CARMIL1: variants seen among roughly 807,000 people sequenced by gnomAD.
CARMIL1 encodes capping protein regulator and myosin 1 linker 1.
CARMIL1 carries 90 observed loss-of-function variants against 177.1 expected under a neutral mutation model. The observed-to-expected ratio is 0.51, with a 90% CI of 0.43 to 0.61. The LOEUF is 0.61. CARMIL1 is among the 20% of genes least tolerant of loss of function. The pLI, the probability that CARMIL1 is intolerant of heterozygous loss-of-function variation, is 0.00. For synonymous variants in CARMIL1, 577 were observed against 606.2 expected (o/e 0.95, Z 0.71); for missense variants, 1,380 against 1,667.0 (o/e 0.83, Z 3.00).
chr6:25,431,514 G>T (rs903150425), intron 4 of CARMIL1, among the ~76,000 whole-genome samples: 1 of 151,550 alleles, frequency 6.6e-6, no homozygotes, highest in African/African-American at 2.4e-5. Flanking sequence ...ATGATCACTC[G>T]TGAATGATGA....
intron 13 of CARMIL1, 84 bp downstream of exon 13, chr6:25,488,669 A>G: frequency 9.3e-7 from 1 of 1,071,454 alleles, no homozygotes; most frequent in Non-Finnish European, 1.4e-6. Flanking sequence ...TTTGTAGTGC[A>G]TTTTCCTGCC....
chr6:25,536,031 A>G (rs965699912), intron 24 of CARMIL1, among the ~76,000 whole-genome samples: 1 of 152,192 alleles, frequency 6.6e-6, no homozygotes, highest in African/African-American at 2.4e-5. Flanking sequence ...GCTTAAGGGC[A>G]TACATTTCAA....
chr6:25,344,702 A>G (rs1263527227), intron 2 of CARMIL1, among the ~76,000 whole-genome samples: 1 of 152,064 alleles, frequency 6.6e-6, no homozygotes, highest in African/African-American at 2.4e-5. Flanking sequence ...CTTTTTCACC[A>G]GAAACCCCAG....
At chr6:25,488,799 C>A (rs190861666) in intron 13 of CARMIL1, among the ~76,000 whole-genome samples, 417 of 151,868 alleles carry the variant, frequency 2.7e-3, no homozygotes, top group Middle Eastern at 0.01. Context: ...TTTTTTTTCT[C>A]ATTTAGTGAT....
At chr6:25,307,510 A>C (rs1479712920) in intron 2 of CARMIL1, among the ~76,000 whole-genome samples, 1 of 152,238 alleles carries the variant, frequency 6.6e-6, no homozygotes, top group Non-Finnish European at 1.5e-5. Flanking sequence ...ATTATTTTTA[A>C]AAAAGAGATC....
intron 2 of CARMIL1, among the ~76,000 whole-genome samples, chr6:25,360,827 G>A (rs10946765): frequency 0.48 from 73,478 of 151,962 alleles, 18,339 homozygotes; most frequent in Non-Finnish European, 0.55. Flanking sequence ...ACAGCCATAT[G>A]CATGTGATTT....
At position 25,281,728 on chromosome 6, in the gene CARMIL1, A is replaced by C. The variant is rs567679485; in HGVS notation, c.40+1893A>C. On this transcript the variant is annotated intron_variant, in intron 1 of 36. Transcript: ENST00000329474. ...TGCTTTCCTCTAAATTCAAGTGCTCACAAGAGTTCTGCTCTGATCAATTCA... is the reference window on the plus strand; with the variant it reads ...TGCTTTCCTCTAAATTCAAGTGCTCCCAAGAGTTCTGCTCTGATCAATTCA... Among the ~76,000 whole-genome samples, 4 of 152,296 alleles carry C rather than the reference A, an allele frequency of 2.6e-5. No individual in the cohort carries two copies. In the East Asian group the frequency reaches 5.8e-4, roughly 22 times the overall value.
At chr6:25,312,885 T>C (rs1783943647) in intron 2 of CARMIL1, among the ~76,000 whole-genome samples, 2 of 149,312 alleles carry the variant, frequency 1.3e-5, no homozygotes, top group Non-Finnish European at 3.0e-5. Flanking sequence ...GTGCCTAAAA[T>C]TTCCTTTGCA....
chr6:25,294,478 C>T (rs1038549001), intron 2 of CARMIL1, among the ~76,000 whole-genome samples: 19 of 152,100 alleles, frequency 1.2e-4, no homozygotes, highest in Non-Finnish European at 2.1e-4. Flanking sequence ...GTAGCACCTC[C>T]GACAGCTAGG....
chr6:25,367,172 A>T (rs888773397), intron 2 of CARMIL1, among the ~76,000 whole-genome samples: 1 of 152,152 alleles, frequency 6.6e-6, no homozygotes, highest in Admixed American at 6.5e-5. Context: ...GGTGTGGTTT[A>T]GTGCTGCATA....
At chr6:25,573,913 TCTGGAAAACAATAGTTCCTGAACATCA>T (rs1812350230) in intron 29 of CARMIL1, among the ~76,000 whole-genome samples, 1 of 152,214 alleles carries the variant, frequency 6.6e-6, no homozygotes. Flanking sequence ...GTTCTTGGGC[TCTGGAAAACAATAGTTCCTGAACATCA>T]GGAAGCCAGA....
chr6:25,323,420 C>CAAAAA (rs11288797), intron 2 of CARMIL1, among the ~76,000 whole-genome samples: 2 of 82,362 alleles, frequency 2.4e-5, no homozygotes, highest in Admixed American at 1.3e-4. Flanking sequence ...CCTGTCTCTA[C>CAAAAA]AAAAAAAAAA....
At chr6:25,492,065 C>T (rs770135617) in intron 15 of CARMIL1, 41 bp downstream of exon 15, 1 of 1,561,142 alleles carries the variant, frequency 6.4e-7, no homozygotes, top group Non-Finnish European at 8.8e-7. Flanking sequence ...CTGGAAGTGT[C>T]TTCTTCTGAG....
chr6:25,479,134 A>T (rs1801854949), intron 11 of CARMIL1: 1 of 518,850 alleles, frequency 1.9e-6, no homozygotes, highest in Non-Finnish European at 3.8e-6. Flanking sequence ...CAAGAGACAG[A>T]ATGTTCCCAC....
intron 29 of CARMIL1, 51 bp downstream of exon 29, chr6:25,556,901 A>ATTTT: frequency 7.4e-6 from 10 of 1,349,678 alleles, no homozygotes; most frequent in Non-Finnish European, 9.9e-6. Flanking sequence ...GGACTGTGCC[A>ATTTT]TTGTTTTTTT....
chr6:25,600,836 G>A (rs1024865192), intron 33 of CARMIL1, 90 bp downstream of exon 33: 1 of 1,136,410 alleles, frequency 8.8e-7, no homozygotes, highest in East Asian at 2.7e-5. Context: ...TTTTATGTAT[G>A]TCTATCACCT....
At chr6:25,581,100 T>C (rs1281574925) in intron 30 of CARMIL1, 110 bp downstream of exon 30, 3 of 1,289,422 alleles carry the variant, frequency 2.3e-6, no homozygotes, top group East Asian at 2.5e-5. Context: ...TGGGTAAATA[T>C]TGAGAAAGAG....
At chr6:25,294,728 G>A (rs532662492) in intron 2 of CARMIL1, among the ~76,000 whole-genome samples, 2 of 152,212 alleles carry the variant, frequency 1.3e-5, no homozygotes, top group Non-Finnish European at 2.9e-5. Context: ...ACATCCTGGA[G>A]TCTCAGTCCT....
rs1794039174 is a variant in CARMIL1 at position 25,403,164 on chromosome 6, A to G, written c.139-16950A>G. On this transcript the variant is annotated intron_variant, in intron 2 of 36. Coordinates refer to ENST00000329474, the MANE Select transcript of CARMIL1 (RefSeq NM_017640.6). ...CTAGACCAATCCAGGAGTCACTTAAATTGAATTGCTATGTAATTATTTCAT... is the reference window on the plus strand; with the variant it reads ...CTAGACCAATCCAGGAGTCACTTAAGTTGAATTGCTATGTAATTATTTCAT... 4.6e-5 allele frequency among the ~76,000 whole-genome samples: 7 copies of G among 151,870 alleles called. No individual in the cohort carries two copies. In the South Asian group the frequency reaches 1.5e-3, roughly 32 times the overall value.
Sources: gnomAD v4.1 joint callset for allele counts (sites outside exome capture counted in the v4.1 genomes callset) on GRCh38, gnomAD v4.1.1 for gene constraint, MANE v1.5 for transcripts, NCBI Gene and HGNC (gene_info 2026-07-23, HGNC 2026-07-21) for gene names.